The following SV2B variants were observed in gnomAD, a reference collection of about 807,000 sequenced individuals.
The protein encoded by SV2B is synaptic vesicle glycoprotein 2B.
Under a neutral mutation model 73.9 loss-of-function variants are expected in SV2B, and 41 were observed. That is an observed-to-expected ratio of 0.56 (90% CI 0.43 to 0.72). The LOEUF (loss-of-function observed/expected upper bound fraction) is 0.72, where lower values mean the gene tolerates loss of function less well. Ranked by LOEUF, SV2B falls within the 30% of genes least tolerant of loss-of-function variation. SV2B has a pLI of 0.00. For missense variants in SV2B, 764 were observed against 857.8 expected (o/e 0.89, Z 1.37); for synonymous variants, 314 against 314.2 (o/e 1.00, Z 0.01).
intron 1 of SV2B, among the ~76,000 whole-genome samples, chr15:91,161,845 C>T (rs759144154): frequency 6.6e-6 from 1 of 152,196 alleles, no homozygotes; most frequent in Non-Finnish European, 1.5e-5. Context: ...CCTGTGTATA[C>T]TTCAAAGTAC....
intron 1 of SV2B, among the ~76,000 whole-genome samples, chr15:91,103,787 C>T (rs779908321): frequency 5.3e-5 from 8 of 152,138 alleles, no homozygotes; most frequent in Admixed American, 1.3e-4. Context: ...TGGGTGTCCC[C>T]GAGTCCACCT....
At chr15:91,237,776 C>T (rs1469831199) in intron 2 of SV2B, among the ~76,000 whole-genome samples, 1 of 152,188 alleles carries the variant, frequency 6.6e-6, no homozygotes, top group African/African-American at 2.4e-5. Flanking sequence ...CACATGGCTT[C>T]CTTCCTGTAT....
At chr15:91,215,231 T>C (rs2045985456) in intron 1 of SV2B, among the ~76,000 whole-genome samples, 1 of 152,204 alleles carries the variant, frequency 6.6e-6, no homozygotes, top group African/African-American at 2.4e-5. Flanking sequence ...GAGGTCTTCT[T>C]TGGCCTTGCA....
intron 1 of SV2B, among the ~76,000 whole-genome samples, chr15:91,187,394 A>G (rs1385254967): frequency 2.0e-5 from 3 of 152,252 alleles, no homozygotes; most frequent in Non-Finnish European, 4.4e-5. Flanking sequence ...GCAGAACAAG[A>G]GAACATTCCA....
In SV2B at chr15:91,252,887, G is replaced by C. The variant is rs2047545448; in HGVS notation, c.784+367G>C. 6.6e-6 allele frequency among the ~76,000 whole-genome samples: 1 copy of C among 152,102 alleles called. No individual in the cohort carries two copies. The highest frequency in any genetic ancestry group is 6.5e-5 in the Admixed American group (1 of 15,268). Reference sequence around the variant, plus strand: ...TGGTAACCTGATTTAATAGATGACAGGTATGTGACAAAAGCCAAGAGAAGT... The same window carrying C: ...TGGTAACCTGATTTAATAGATGACACGTATGTGACAAAAGCCAAGAGAAGT... On this transcript the variant is annotated intron_variant, in intron 4 of 12. Transcript: ENST00000394232. The surrounding 1 kb of genome is among the most constrained non-coding windows in gnomAD (Gnocchi z 4.6).
At chr15:91,287,235 T>C (rs2048890004) in intron 11 of SV2B, among the ~76,000 whole-genome samples, 1 of 152,144 alleles carries the variant, frequency 6.6e-6, no homozygotes, top group Non-Finnish European at 1.5e-5. Flanking sequence ...CAGCCCCAGG[T>C]CTGAGGGTGA....
At position 91,137,569 on chromosome 15, in the gene SV2B, AATATAT is replaced by A. The variant is rs142512543; in HGVS notation, c.-392+37217_-392+37222del. Among the ~76,000 whole-genome samples the A allele has an allele frequency of 0.011, 1,408 of 132,884 alleles. 40 individuals are homozygous for A. Among genetic ancestry groups the A allele is most frequent in the South Asian group, 0.092 (375 of 4,088 alleles). 87.2% of individuals were successfully genotyped at this position (132,884 alleles called of 152,430 possible). On this transcript the variant is annotated intron_variant, in intron 1 of 12. Coordinates refer to ENST00000394232, the MANE Select transcript of SV2B (RefSeq NM_001323032.3). This position sits in a 1 kb window ranked among gnomAD's most constrained non-coding sequence, Gnocchi z 4.9. Reference sequence around the variant, plus strand: ...ACAGGACAAAACTAGGAAAATGTGAAATATATATATATATATTTCTCATATATATAT... The same window carrying A: ...ACAGGACAAAACTAGGAAAATGTGAAATATATATATTTCTCATATATATAT...
At chr15:91,209,120 T>TG (rs1434765308) in intron 1 of SV2B, among the ~76,000 whole-genome samples, 158 of 140,440 alleles carry the variant, frequency 1.1e-3, no homozygotes, top group Non-Finnish European at 1.6e-3. Context: ...TTTTGTTTTT[T>TG]TTTTTTTTTT....
Position 91,281,681 on chromosome 15 carries a change from T to C in SV2B, c.1374-47T>C. On this transcript the variant is annotated intron_variant, in intron 9 of 12. Coordinates refer to ENST00000394232, the MANE Select transcript of SV2B (RefSeq NM_001323032.3). This position sits in a 1 kb window ranked among gnomAD's most constrained non-coding sequence, Gnocchi z 4.7. ...GTGTTTTCCATTTTGGTCTTAAGTC[T>C]CTTTTTTTCTCAGATGAATCACTCA... 6.6e-7 allele frequency: 1 copy of C among 1,516,200 alleles called. No homozygotes were observed. The highest frequency in any genetic ancestry group is 8.9e-7 in the Non-Finnish European group (1 of 1,124,706). The allele number at this position is 1,516,200 out of a possible 1,614,324, so 93.9% of individuals were successfully genotyped here.
intron 2 of SV2B, among the ~76,000 whole-genome samples, chr15:91,228,761 C>A (rs2141498947): frequency 6.6e-6 from 1 of 152,280 alleles, no homozygotes; most frequent in African/African-American, 2.4e-5. Flanking sequence ...GAAGGCAGAC[C>A]CTCTGAACAT....
intron 1 of SV2B, among the ~76,000 whole-genome samples, chr15:91,203,263 C>T (rs2045523312): frequency 6.6e-6 from 1 of 152,200 alleles, no homozygotes; most frequent in Non-Finnish European, 1.5e-5. Context: ...ATAGTCACCC[C>T]TGAGGTGTCC....
rs2048655780 is a variant in SV2B at position 91,280,675 on chromosome 15, G to C, written c.1374-1053G>C. On this transcript the variant is annotated intron_variant, in intron 9 of 12. Transcript: ENST00000394232. This position sits in a 1 kb window ranked among gnomAD's most constrained non-coding sequence, Gnocchi z 5.8. ...TATTAAATATGCAGGAGTTGGAGAGGTGCAGTGACTCCCACATGTGGCTGC... is the reference window on the plus strand; with the variant it reads ...TATTAAATATGCAGGAGTTGGAGAGCTGCAGTGACTCCCACATGTGGCTGC... Among the ~76,000 whole-genome samples, 2 of 152,208 alleles carry C rather than the reference G, an allele frequency of 1.3e-5. No individual in the cohort carries two copies. The highest frequency in any genetic ancestry group is 4.8e-5 in the African/African-American group (2 of 41,448).
Position 91,280,797 on chromosome 15 carries a change from G to A in SV2B, c.1374-931G>A, listed in dbSNP as rs939424367. On this transcript the variant is annotated intron_variant, in intron 9 of 12. Transcript: ENST00000394232. The surrounding 1 kb of genome is among the most constrained non-coding windows in gnomAD (Gnocchi z 5.8). ...ACGCTTGGCATAAAGTGAAAATTAA[G>A]TGTATTATTCCTCACTTCCATTGTG... Among the ~76,000 whole-genome samples, 5 of 152,158 alleles carry A rather than the reference G, an allele frequency of 3.3e-5. No individual in the cohort carries two copies. Among genetic ancestry groups the A allele is most frequent in the African/African-American group, 1.2e-4 (5 of 41,424 alleles).
rs539253688 is a variant in SV2B, at chr15:91,268,714, G to C, written c.1373+109G>C. On this transcript the variant is annotated intron_variant, in intron 9 of 12. Transcript: ENST00000394232. This position sits in a 1 kb window ranked among gnomAD's most constrained non-coding sequence, Gnocchi z 4.4. ...GAATCAAATATGGCCGGGAATGAGCGCCAAGGCTGGTGTCATCATCACAAC... is the reference window on the plus strand; with the variant it reads ...GAATCAAATATGGCCGGGAATGAGCCCCAAGGCTGGTGTCATCATCACAAC... 3 of 1,393,280 alleles carry C rather than the reference G, an allele frequency of 2.2e-6. No homozygotes were observed. Among genetic ancestry groups the C allele is most frequent in the Non-Finnish European group, 2.9e-6 (3 of 1,032,658 alleles). 86.3% of individuals were successfully genotyped at this position (1,393,280 alleles called of 1,614,324 possible). A position where few individuals can be genotyped will look rare whatever the true frequency, so the allele number is the denominator to read the frequency against.
At chr15:91,151,998 T>G (rs116129764) in intron 1 of SV2B, among the ~76,000 whole-genome samples, 371 of 152,282 alleles carry the variant, frequency 2.4e-3, no homozygotes, top group African/African-American at 8.5e-3. Flanking sequence ...AGTAGCTTTA[T>G]CTATGTCTGT....
At position 91,171,060 on chromosome 15, in the gene SV2B, C is replaced by T. The variant is rs567938299; in HGVS notation, c.-391-54813C>T. ...ACGGCTCAGAGAGGTGAAGTCTTGA[C>T]GTCACACAGCTGGTTAGTGGCAAAA... On this transcript the variant is annotated intron_variant, in intron 1 of 12. Transcript: ENST00000394232. 2.1e-4 allele frequency among the ~76,000 whole-genome samples: 32 copies of T among 152,242 alleles called. No homozygotes were observed. The East Asian group carries it at 5.2e-3, about 25-fold the overall frequency.
intron 1 of SV2B, among the ~76,000 whole-genome samples, chr15:91,209,122 T>TTTG (rs1567346570): frequency 7.0e-6 from 1 of 142,086 alleles, no homozygotes; most frequent in Non-Finnish European, 1.5e-5. Flanking sequence ...TTGTTTTTTT[T>TTTG]TTTTTTTTTT....
chr15:91,150,061 A>G (rs934644266), intron 1 of SV2B, among the ~76,000 whole-genome samples: 1 of 151,866 alleles, frequency 6.6e-6, no homozygotes, highest in African/African-American at 2.4e-5. Context: ...CTGGAGTGCA[A>G]TGGTGCGATC....
chr15:91,240,771 C>T lies in SV2B; in HGVS notation c.452-11048C>T, dbSNP rs1046204821. Among the ~76,000 whole-genome samples the T allele has an allele frequency of 4.6e-5, 7 of 152,144 alleles. No individual in the cohort carries two copies. Among genetic ancestry groups the T allele is most frequent in the African/African-American group, 1.2e-4 (5 of 41,422 alleles). ...CCCTTACCATCCACATTTGCATTCC[C>T]GTATGACACTGTACATGCCTCCGTT... is the stretch of plus-strand genomic sequence containing the variant. On this transcript the variant is annotated intron_variant, in intron 2 of 12. Coordinates refer to ENST00000394232, the MANE Select transcript of SV2B (RefSeq NM_001323032.3). This position sits in a 1 kb window ranked among gnomAD's most constrained non-coding sequence, Gnocchi z 4.6.
Sources: allele counts gnomAD v4.1 joint callset (sites outside exome capture counted in the v4.1 genomes callset), GRCh38; gene constraint gnomAD v4.1.1; non-coding constraint Gnocchi (gnomAD v3.1); transcripts MANE v1.5; gene names NCBI Gene and HGNC (gene_info 2026-07-23, HGNC 2026-07-21).